Variants in JAK1 observed in about 807,000 individuals in gnomAD.
JAK1 encodes Janus kinase 1, also known as tyrosine-protein kinase JAK1.
A neutral mutation model predicts 136.6 loss-of-function variants in JAK1; 16 were observed. The ratio of observed to expected loss-of-function variants is 0.12; its 90% confidence interval spans 0.08 to 0.18. The LOEUF is 0.18. Ranked by LOEUF, JAK1 falls within the 10% of genes least tolerant of loss-of-function variation. The pLI is 1.00. For synonymous variants in JAK1, 492 were observed against 519.5 expected (o/e 0.95, Z 0.72); for missense variants, 859 against 1,450.1 (o/e 0.59, Z 6.62).
chr1:65,033,584 A>G (rs1384497097), intron 2 of JAK1, among the ~76,000 whole-genome samples: 2 of 152,096 alleles, frequency 1.3e-5, no homozygotes, highest in Non-Finnish European at 2.9e-5. Flanking sequence ...AATGCACACA[A>G]AATAATTAGA....
intron 2 of JAK1, chr1:64,985,093 G>T (rs1345423170): frequency 2.1e-6 from 2 of 963,794 alleles, no homozygotes; most frequent in African/African-American, 3.2e-5. Context: ...CCTATCATAT[G>T]TAGAGTCCTT....
At chr1:64,881,418 A>G (rs1227665137) in intron 3 of JAK1, among the ~76,000 whole-genome samples, 1 of 152,098 alleles carries the variant, frequency 6.6e-6, no homozygotes. Context: ...AGTAAAATGC[A>G]GAGCTGAGAA....
chr1:65,065,294 C>A (rs1402721169), intron 1 of JAK1, among the ~76,000 whole-genome samples: 1 of 152,142 alleles, frequency 6.6e-6, no homozygotes. Context: ...TCTTTTCCCC[C>A]CTCCTTCCCT....
chr1:64,867,124 G>A lies in JAK1; in HGVS notation c.732C>T (p.Phe244=). ...LLTRMRINNV[F]KDFLKEFNNK... is the part of the protein sequence containing the mutation. ...TGTTAAATTCCTTTAGGAAATCCTT[G>A]AAAACATTATTTATCCGCATCCTGG... Residue 244 remains phenylalanine, a synonymous_variant, in exon 7 of 25, where the codon TTC becomes TTT. Coordinates refer to ENST00000342505, the MANE Select transcript of JAK1 (RefSeq NM_002227.4). 1 of 1,613,452 alleles carries A rather than the reference G, an allele frequency of 6.2e-7. No homozygotes were observed. Among genetic ancestry groups the A allele is most frequent in the South Asian group, 1.1e-5 (1 of 91,078 alleles).
intron 2 of JAK1, chr1:65,023,093 C>T (rs1646950348): frequency 2.6e-5 from 4 of 151,836 alleles, no homozygotes; most frequent in Admixed American, 6.6e-5. Flanking sequence ...TGTTAAGGTT[C>T]GGTTCAATGA....
chr1:65,052,032 T>G (rs1358905733), intron 1 of JAK1, among the ~76,000 whole-genome samples: 4 of 151,790 alleles, frequency 2.6e-5, no homozygotes, highest in Non-Finnish European at 5.9e-5. Context: ...CCTAGCTCAC[T>G]GCAGCATCAA....
intron 6 of JAK1, among the ~76,000 whole-genome samples, chr1:64,868,911 A>G (rs1322217609): frequency 1.3e-5 from 2 of 152,240 alleles, no homozygotes; most frequent in East Asian, 3.8e-4. Context: ...TAACGTGTTC[A>G]GAGTTCAGGC....
intron 1 of JAK1, among the ~76,000 whole-genome samples, chr1:64,895,237 T>C (rs935383865): frequency 2.0e-5 from 3 of 152,234 alleles, no homozygotes; most frequent in African/African-American, 7.2e-5. Flanking sequence ...TACACATGTG[T>C]GTATATGACA....
intron 2 of JAK1, among the ~76,000 whole-genome samples, chr1:65,032,917 T>A (rs1647036470): frequency 1.3e-5 from 2 of 152,260 alleles, no homozygotes; most frequent in Non-Finnish European, 2.9e-5. Flanking sequence ...ACCTTTATTG[T>A]TGGGTATGTC....
intron 1 of JAK1, among the ~76,000 whole-genome samples, chr1:64,891,633 C>T (rs1644938068): frequency 2.0e-5 from 3 of 152,158 alleles, no homozygotes; most frequent in South Asian, 2.1e-4. Flanking sequence ...CATAGAGCCA[C>T]CGAAAATGAC....
intron 15 of JAK1, 30 bp downstream of exon 15, chr1:64,845,483 G>A (rs2100999489): frequency 6.2e-7 from 1 of 1,613,518 alleles, no homozygotes; most frequent in Non-Finnish European, 8.5e-7. Flanking sequence ...GTTTCTGGTG[G>A]GACCATTATG....
intron 2 of JAK1, among the ~76,000 whole-genome samples, chr1:65,036,642 C>T (rs1647077364): frequency 6.6e-6 from 1 of 151,892 alleles, no homozygotes; most frequent in Non-Finnish European, 1.5e-5. Context: ...AATTTGCAAC[C>T]AAGTGAGTTC....
At chr1:65,056,169 A>G (rs1647526337) in intron 1 of JAK1, among the ~76,000 whole-genome samples, 1 of 152,248 alleles carries the variant, frequency 6.6e-6, no homozygotes, top group African/African-American at 2.4e-5. Context: ...GAAAACTCCA[A>G]AGAATTTCAG....
chr1:65,040,872 A>G (rs1292048816), intron 2 of JAK1, among the ~76,000 whole-genome samples: 2 of 152,208 alleles, frequency 1.3e-5, no homozygotes, highest in African/African-American at 4.8e-5. Context: ...ATGAAACACA[A>G]GAAAACATGG....
chr1:64,846,805 T>G (rs376084005), intron 13 of JAK1, 69 bp from the exon 14 acceptor site: 5 of 1,249,476 alleles, frequency 4.0e-6, no homozygotes, highest in African/African-American at 1.5e-5. Context: ...GGGGCTCTGT[T>G]GAGGGGAAAG....
chr1:64,885,799 T>C (rs1644843584), intron 2 of JAK1, among the ~76,000 whole-genome samples: 1 of 150,938 alleles, frequency 6.6e-6, no homozygotes, highest in South Asian at 2.1e-4. Flanking sequence ...CAATGTCCAG[T>C]AGGAGAGGAC....
At chr1:64,953,433 C>T (rs1287879413) in intron 1 of JAK1, among the ~76,000 whole-genome samples, 5 of 152,088 alleles carry the variant, frequency 3.3e-5, no homozygotes, top group Admixed American at 1.3e-4. Context: ...AAGTCCAGCA[C>T]GCTTTTCATA....
intron 9 of JAK1, 55 bp from the exon 10 acceptor site, chr1:64,857,834 A>G (rs1570648951): frequency 1.2e-6 from 2 of 1,602,406 alleles, no homozygotes; most frequent in Admixed American, 3.4e-5. Flanking sequence ...AGGACTTTGA[A>G]CCTCTGGGCT....
In JAK1 at chr1:64,834,256, T is replaced by C. The variant is rs1371122832; in HGVS notation, c.*306A>G. 3 of 251,240 alleles carry C rather than the reference T, an allele frequency of 1.2e-5. No individual in the cohort carries two copies. Among genetic ancestry groups the C allele is most frequent in the Non-Finnish European group, 2.3e-5 (3 of 130,186 alleles). The allele number at this position is 251,240 out of a possible 1,614,324, so 15.6% of individuals were successfully genotyped here. On this transcript the variant is annotated 3_prime_UTR_variant, in exon 25 of 25. Transcript: ENST00000342505. ...TCCCCTTTTGGTAATGCAGTTGTGA[T>C]GGTGAACTAGCCAGATGAAATGGTG...
Sources: allele counts gnomAD v4.1 joint callset (sites outside exome capture counted in the v4.1 genomes callset), GRCh38; gene constraint gnomAD v4.1.1; transcripts MANE v1.5; gene names NCBI Gene and HGNC (gene_info 2026-07-23, HGNC 2026-07-21).